Variants in MTUS2 observed in about 807,000 individuals in gnomAD.
MTUS2 encodes the protein microtubule associated scaffold protein 2, also known as microtubule-associated tumor suppressor candidate 2.
In MTUS2, 40 loss-of-function variants were observed where a neutral mutation model predicts 114.1. That is an observed-to-expected ratio of 0.35 (90% CI 0.27 to 0.46). The LOEUF (loss-of-function observed/expected upper bound fraction) is 0.46, where lower values mean the gene tolerates loss of function less well. Among genes scored for constraint, MTUS2 ranks in the 20% least tolerant of loss-of-function variants. The pLI, the probability that MTUS2 is intolerant of heterozygous loss-of-function variation, is 1.00. For synonymous variants in MTUS2, 688 were observed against 672.0 expected (o/e 1.02, Z -0.37); for missense variants, 1,679 against 1,705.4 (o/e 0.98, Z 0.27).
intron 5 of MTUS2, among the ~76,000 whole-genome samples, chr13:29,136,483 T>C (rs9508291): frequency 0.18 from 27,910 of 152,154 alleles, 5,120 homozygotes; most frequent in African/African-American, 0.48. Context: ...GTTGGGACTT[T>C]CAGTCCTACC....
At chr13:28,898,427 G>T (rs1879421945) in intron 2 of MTUS2, among the ~76,000 whole-genome samples, 1 of 152,130 alleles carries the variant, frequency 6.6e-6, no homozygotes, top group Non-Finnish European at 1.5e-5. Flanking sequence ...TGTTGTTTGG[G>T]GCCAGAGCCC....
At chr13:29,476,752 T>A (rs1249615474) in intron 9 of MTUS2, 1 of 152,178 alleles carries the variant, frequency 6.6e-6, no homozygotes, top group East Asian at 1.9e-4. Flanking sequence ...GGCAGCTGGA[T>A]TAGTTATATT....
intron 8 of MTUS2, among the ~76,000 whole-genome samples, chr13:29,361,841 T>C (rs1870282488): frequency 6.6e-6 from 1 of 152,242 alleles, no homozygotes; most frequent in South Asian, 2.1e-4. Flanking sequence ...CCTGCCAGAA[T>C]TCCATCCTGT....
chr13:28,920,032 A>C (rs1880958013), intron 2 of MTUS2, among the ~76,000 whole-genome samples: 1 of 152,194 alleles, frequency 6.6e-6, no homozygotes, highest in South Asian at 2.1e-4. Context: ...ATCTGTCTGA[A>C]AGGTCACATA....
chr13:29,206,085 T>A (rs570337919), intron 5 of MTUS2, among the ~76,000 whole-genome samples: 1 of 152,204 alleles, frequency 6.6e-6, no homozygotes, highest in South Asian at 2.1e-4. Context: ...GTTTTTAGAT[T>A]TTTTGATTAT....
chr13:29,417,624 G>A (rs545756435), intron 8 of MTUS2, among the ~76,000 whole-genome samples: 14 of 152,004 alleles, frequency 9.2e-5, no homozygotes, highest in African/African-American at 3.4e-4. Context: ...AGATAACTTT[G>A]TCATTTTCTT....
intron 5 of MTUS2, among the ~76,000 whole-genome samples, chr13:29,185,987 A>G (rs2139176196): frequency 6.6e-6 from 1 of 152,262 alleles, no homozygotes; most frequent in East Asian, 1.9e-4. Context: ...CAGGAGAATC[A>G]CTTGAGCACA....
At chr13:29,395,586 GC>G (rs1593397149) in intron 8 of MTUS2, among the ~76,000 whole-genome samples, 1 of 152,174 alleles carries the variant, frequency 6.6e-6, no homozygotes, top group Admixed American at 6.5e-5. Context: ...GCCAGGGTTT[GC>G]TGTATTAAGC....
chr13:29,336,705 G>A (rs985087434), intron 7 of MTUS2, among the ~76,000 whole-genome samples: 34 of 152,348 alleles, frequency 2.2e-4, no homozygotes, highest in African/African-American at 7.7e-4. Flanking sequence ...GAGCTGGCAG[G>A]AAGGAACAAC....
chr13:29,218,482 A>C (rs987468151), intron 5 of MTUS2, among the ~76,000 whole-genome samples: 3 of 152,212 alleles, frequency 2.0e-5, no homozygotes, highest in African/African-American at 7.2e-5. Flanking sequence ...TGGTTTCTAG[A>C]ATGGTAAATC....
intron 5 of MTUS2, among the ~76,000 whole-genome samples, chr13:29,191,169 T>C (rs942788511): frequency 6.6e-6 from 1 of 152,064 alleles, no homozygotes; most frequent in African/African-American, 2.4e-5. Context: ...CATGCTGCCC[T>C]TGGAGATTCA....
chr13:29,029,936 C>G (rs1009949040), intron 3 of MTUS2, among the ~76,000 whole-genome samples: 2 of 152,216 alleles, frequency 1.3e-5, no homozygotes, highest in African/African-American at 4.8e-5. Flanking sequence ...CATTGGAGAT[C>G]ACATTTCAAC....
chr13:28,960,440 GTATTGTTCATAA>G (rs59383144), intron 2 of MTUS2, among the ~76,000 whole-genome samples: 7,891 of 152,220 alleles, frequency 0.052, 655 homozygotes, highest in African/African-American at 0.18. Context: ...GATGTTCATA[GTATTGTTCATAA>G]CATTCAAAAG....
At chr13:29,443,316 G>A (rs950841125) in intron 9 of MTUS2, among the ~76,000 whole-genome samples, 44 of 152,228 alleles carry the variant, frequency 2.9e-4, no homozygotes, top group African/African-American at 1.0e-3. Context: ...CTTTGGCTCT[G>A]GGGGCCCTGT....
At chr13:29,190,468 C>T (rs1894401739) in intron 5 of MTUS2, among the ~76,000 whole-genome samples, 1 of 152,220 alleles carries the variant, frequency 6.6e-6, no homozygotes, top group Admixed American at 6.5e-5. Flanking sequence ...TGGTAGCCCA[C>T]ATGCTCAGCC....
chr13:29,065,238 T>C (rs1457923559), intron 4 of MTUS2, among the ~76,000 whole-genome samples: 2 of 152,214 alleles, frequency 1.3e-5, no homozygotes, highest in Admixed American at 6.5e-5. Flanking sequence ...ATTTACATTC[T>C]TACCAACAGT....
intron 8 of MTUS2, among the ~76,000 whole-genome samples, chr13:29,383,246 G>GTATATATATATATATATATATTTA (rs1291436254): frequency 1.8e-5 from 1 of 55,178 alleles, no homozygotes; most frequent in Non-Finnish European, 4.9e-5. Context: ...GTGTGTGTGT[G>GTATATATATATATATATATATTTA]TGTGTGTATT....
upstream of MTUS2, among the ~76,000 whole-genome samples, chr13:28,820,086 C>CGGCTGCGTGGCGCGCT (rs1260815079): frequency 2.0e-5 from 3 of 146,952 alleles, no homozygotes; most frequent in Admixed American, 2.0e-4. Context: ...CGAGGCGCGC[C>CGGCTGCGTGGCGCGCT]GGCTGCGTGG....
chr13:29,260,432 C>T (rs1342963309), intron 5 of MTUS2, among the ~76,000 whole-genome samples: 1 of 152,090 alleles, frequency 6.6e-6, no homozygotes, highest in South Asian at 2.1e-4. Context: ...GTCATGAACC[C>T]GTTTATGCCT....
Sources: gnomAD v4.1 joint callset for allele counts (sites outside exome capture counted in the v4.1 genomes callset) on GRCh38, gnomAD v4.1.1 for gene constraint, MANE v1.5 for transcripts, NCBI Gene and HGNC (gene_info 2026-07-23, HGNC 2026-07-21) for gene names.